The following SESTD1 variants were observed in gnomAD, a reference collection of about 807,000 sequenced individuals.
SESTD1 encodes SEC14 and spectrin domain containing 1, also known as SEC14 domain and spectrin repeat-containing protein 1.
Under a neutral mutation model 101.7 loss-of-function variants are expected in SESTD1, and 43 were observed. That is an observed-to-expected ratio of 0.42 (90% confidence interval 0.33 to 0.55). SESTD1 has a LOEUF of 0.55. Ranked by LOEUF, SESTD1 falls within the 20% of genes least tolerant of loss-of-function variation. The pLI is 0.07. For synonymous variants in SESTD1, 283 were observed against 286.8 expected (o/e 0.99, Z 0.13); for missense variants, 647 against 815.1 (o/e 0.79, Z 2.51).
At chr2:179,237,049 T>C (rs975076499) in intron 1 of SESTD1, among the ~76,000 whole-genome samples, 2 of 152,088 alleles carry the variant, frequency 1.3e-5, no homozygotes, top group African/African-American at 4.8e-5. Context: ...TAATCTTCTA[T>C]CAGAAAAATG....
At chr2:179,175,861 A>G (rs1200266461) in intron 4 of SESTD1, among the ~76,000 whole-genome samples, 1 of 152,226 alleles carries the variant, frequency 6.6e-6, no homozygotes, top group Non-Finnish European at 1.5e-5. Flanking sequence ...TCAGATCTCA[A>G]AAAGTTTGTA....
chr2:179,258,798 T>G (rs1466793955), intron 1 of SESTD1, among the ~76,000 whole-genome samples: 3 of 152,212 alleles, frequency 2.0e-5, no homozygotes, highest in Non-Finnish European at 2.9e-5. Context: ...AGGTAATAAA[T>G]TATTTAGATA....
chr2:179,185,936 T>C (rs1423853121), intron 2 of SESTD1, among the ~76,000 whole-genome samples: 3 of 135,710 alleles, frequency 2.2e-5, no homozygotes, highest in Non-Finnish European at 3.1e-5. Context: ...ATATACAATA[T>C]ATTATATTAT....
intron 4 of SESTD1, among the ~76,000 whole-genome samples, chr2:179,173,661 C>T (rs1169793384): frequency 6.6e-6 from 1 of 152,160 alleles, no homozygotes; most frequent in East Asian, 1.9e-4. Flanking sequence ...AGTTCTACTA[C>T]ACTACTTCGT....
intron 1 of SESTD1, among the ~76,000 whole-genome samples, chr2:179,200,043 A>T (rs963803468): frequency 1.3e-5 from 2 of 152,218 alleles, no homozygotes; most frequent in African/African-American, 4.8e-5. Flanking sequence ...CTCAGCCCAA[A>T]ATCCGCTTAA....
chr2:179,151,727 A>T (rs1257065876), intron 5 of SESTD1, among the ~76,000 whole-genome samples: 1 of 152,168 alleles, frequency 6.6e-6, no homozygotes, highest in Non-Finnish European at 1.5e-5. Flanking sequence ...TTTTCACATC[A>T]TCTTAAAATT....
chr2:179,238,078 TA>T (rs2047095686), intron 1 of SESTD1, among the ~76,000 whole-genome samples: 1 of 152,114 alleles, frequency 6.6e-6, no homozygotes, highest in East Asian at 1.9e-4. Flanking sequence ...ATTCTTACAA[TA>T]AAGCTAGAGA....
chr2:179,237,364 T>C (rs570390974), intron 1 of SESTD1, among the ~76,000 whole-genome samples: 1 of 152,324 alleles, frequency 6.6e-6, no homozygotes, highest in East Asian at 1.9e-4. Flanking sequence ...CACTTTGTGT[T>C]AGTCTTTTTG....
intron 9 of SESTD1, among the ~76,000 whole-genome samples, chr2:179,141,571 C>T (rs76951616): frequency 0.02 from 3,092 of 151,758 alleles, 92 homozygotes; most frequent in African/African-American, 0.071. Context: ...ATGTGCCAGA[C>T]ACTAAATATT....
intron 8 of SESTD1, among the ~76,000 whole-genome samples, chr2:179,145,956 AAG>A (rs71930328): frequency 0.01 from 1,525 of 150,032 alleles, 12 homozygotes; most frequent in African/African-American, 0.027. Flanking sequence ...AATCCAAATT[AAG>A]AGAGAGATTA....
chr2:179,218,067 C>T (rs572741740), intron 1 of SESTD1, among the ~76,000 whole-genome samples: 1 of 152,160 alleles, frequency 6.6e-6, no homozygotes, highest in Non-Finnish European at 1.5e-5. Flanking sequence ...CAATATGGCA[C>T]ATGTATACCT....
At chr2:179,236,960 C>T (rs968087496) in intron 1 of SESTD1, among the ~76,000 whole-genome samples, 14 of 151,920 alleles carry the variant, frequency 9.2e-5, no homozygotes, top group African/African-American at 3.1e-4. Context: ...GCAGTAATTA[C>T]TGATTTAAAA....
chr2:179,143,326 A>G (rs1234675077), intron 9 of SESTD1, among the ~76,000 whole-genome samples: 3 of 152,210 alleles, frequency 2.0e-5, no homozygotes, highest in Non-Finnish European at 2.9e-5. Flanking sequence ...GAATACACTG[A>G]GACCACTGAT....
At chr2:179,191,740 A>T in intron 2 of SESTD1, 47 bp downstream of exon 2, 2 of 1,487,734 alleles carry the variant, frequency 1.3e-6, no homozygotes, top group Non-Finnish European at 9.3e-7. Flanking sequence ...AGAAACTATT[A>T]AAAAGTTTGT....
intron 1 of SESTD1, among the ~76,000 whole-genome samples, chr2:179,238,193 T>C (rs756466529): frequency 3.3e-5 from 5 of 152,164 alleles, no homozygotes; most frequent in African/African-American, 7.2e-5. Flanking sequence ...TGTCTTTACA[T>C]TGAGTCAGTT....
Position 179,183,073 on chromosome 2 carries a change from G to C in SESTD1, c.164+7C>G, listed in dbSNP as rs367972552. On this transcript the variant is annotated splice_region_variant and intron_variant, in intron 3 of 17. Coordinates refer to ENST00000428443, the MANE Select transcript of SESTD1 (RefSeq NM_178123.5). ...TGAGATTTAAGAAAAGACACCTTTAGAGTCACCTTGGAATGCTGAGTAGGT... is the reference window on the plus strand; with the variant it reads ...TGAGATTTAAGAAAAGACACCTTTACAGTCACCTTGGAATGCTGAGTAGGT... 6.4e-7 allele frequency: 1 copy of C among 1,574,074 alleles called. No individual in the cohort carries two copies. Among genetic ancestry groups the C allele is most frequent in the South Asian group, 1.2e-5 (1 of 85,870 alleles).
chr2:179,198,717 A>T (rs891287727), intron 1 of SESTD1, among the ~76,000 whole-genome samples: 4 of 152,048 alleles, frequency 2.6e-5, no homozygotes, highest in African/African-American at 9.7e-5. Flanking sequence ...TGGGTACATA[A>T]CGAAATGAAG....
At chr2:179,263,531 A>G (rs1303913788) in intron 1 of SESTD1, among the ~76,000 whole-genome samples, 1 of 152,202 alleles carries the variant, frequency 6.6e-6, no homozygotes, top group Non-Finnish European at 1.5e-5. Context: ...GCTGGGATAC[A>G]TAGTGGGCAT....
intron 11 of SESTD1, 115 bp from the exon 12 acceptor site, chr2:179,123,944 C>T: frequency 1.4e-6 from 1 of 723,604 alleles, no homozygotes; most frequent in Non-Finnish European, 2.4e-6. Context: ...GAAAAGACTA[C>T]ACTGTTACAA....
Sources: gnomAD v4.1 joint callset for allele counts (sites outside exome capture counted in the v4.1 genomes callset) on GRCh38, gnomAD v4.1.1 for gene constraint, MANE v1.5 for transcripts, NCBI Gene and HGNC (gene_info 2026-07-23, HGNC 2026-07-21) for gene names.